The following NLGN1 variants were observed in gnomAD, a reference collection of about 807,000 sequenced individuals.
The protein encoded by NLGN1 is neuroligin-1.
In NLGN1, 12 loss-of-function variants were observed where a neutral mutation model predicts 65.5. The ratio of observed to expected loss-of-function variants is 0.18; its 90% CI spans 0.12 to 0.30. The LOEUF (loss-of-function observed/expected upper bound fraction) is 0.30. Ranked by LOEUF, NLGN1 falls within the 10% of genes least tolerant of loss-of-function variation. The probability of loss-of-function intolerance (pLI) is 1.00; values close to 1 mark genes in which losing one functional copy is unlikely to be tolerated. For synonymous variants in NLGN1, 350 were observed against 359.5 expected, an observed-to-expected ratio of 0.97 and a Z score of 0.30; for missense variants, 750 against 1,007.1, an observed-to-expected ratio of 0.74 and a Z score of 3.46.
In NLGN1 at chr3:173,754,019, C is replaced by A. The variant is rs557206491; in HGVS notation, c.494-53661C>A. 2.5e-4 allele frequency among the ~76,000 whole-genome samples: 26 copies of A among 104,600 alleles called. No individual in the cohort carries two copies. The South Asian group carries it at 9.3e-3, about 37-fold the overall frequency. The allele number at this position is 104,600 out of a possible 152,430, so 68.6% of individuals were successfully genotyped here. A position where few individuals can be genotyped will look rare whatever the true frequency, so the allele number is the denominator to read the frequency against. On this transcript the variant is annotated intron_variant, in intron 3 of 6. Transcript: ENST00000457714. ...GTACTTTTTTTTTCTTTATTTCTTT[C>A]TTTTCTTTTTTTTTTTTTGTTTTTT...
chr3:173,688,778 G>T (rs1765041438), intron 3 of NLGN1, among the ~76,000 whole-genome samples: 3 of 152,160 alleles, frequency 2.0e-5, no homozygotes, highest in Admixed American at 2.0e-4. Flanking sequence ...CTTGTAGTCA[G>T]CATTCAAAAT....
chr3:174,148,091 C>T (rs1327911793), intron 4 of NLGN1, among the ~76,000 whole-genome samples: 2 of 152,176 alleles, frequency 1.3e-5, no homozygotes, highest in Non-Finnish European at 2.9e-5. Flanking sequence ...AGCTACTAAA[C>T]TGAACAATGA....
At chr3:174,084,848 C>T (rs886184851) in intron 4 of NLGN1, among the ~76,000 whole-genome samples, 2 of 151,894 alleles carry the variant, frequency 1.3e-5, no homozygotes, top group African/African-American at 2.4e-5. Context: ...AAGTTAACTC[C>T]AAATACTTAA....
intron 3 of NLGN1, among the ~76,000 whole-genome samples, chr3:173,779,697 A>T (rs1207613636): frequency 6.6e-6 from 1 of 152,070 alleles, no homozygotes; most frequent in Non-Finnish European, 1.5e-5. Context: ...CATAGGCTAA[A>T]CCTAGATATT....
chr3:174,084,012 T>G (rs1237979890), intron 4 of NLGN1, among the ~76,000 whole-genome samples: 1 of 152,208 alleles, frequency 6.6e-6, no homozygotes, highest in Non-Finnish European at 1.5e-5. Context: ...GTAGAGTGAA[T>G]ACAAAAAGGT....
chr3:173,531,934 C>T (rs1009654104), intron 2 of NLGN1, among the ~76,000 whole-genome samples: 10 of 152,046 alleles, frequency 6.6e-5, no homozygotes, highest in East Asian at 1.9e-4. Flanking sequence ...TAAGTTTCCC[C>T]GGGCTCTTCA....
chr3:173,749,288 A>G (rs1775985907), intron 3 of NLGN1, among the ~76,000 whole-genome samples: 3 of 152,028 alleles, frequency 2.0e-5, no homozygotes, highest in East Asian at 1.9e-4. Flanking sequence ...GTCATTTTTT[A>G]TGATCAAATA....
At chr3:174,076,016 A>G (rs992472877) in intron 4 of NLGN1, among the ~76,000 whole-genome samples, 1 of 152,288 alleles carries the variant, frequency 6.6e-6, no homozygotes, top group Non-Finnish European at 1.5e-5. Context: ...GTCTGCCTAC[A>G]CTATATCATT....
rs1404209637 is a variant in NLGN1 at position 173,613,006 on chromosome 3, C to T, written c.493+7915C>T. Among the ~76,000 whole-genome samples, 7 of 152,118 alleles carry T rather than the reference C, an allele frequency of 4.6e-5. No homozygotes were observed. The East Asian group carries it at 1.4e-3, about 30-fold the overall frequency. The stretch of plus-strand genomic sequence containing the variant: ...TTGGATTATGGCACAACCTAATGAC[C>T]TCAACGTAATTAATTATATCTGTAA... On this transcript the variant is annotated intron_variant, in intron 3 of 6. Coordinates refer to ENST00000457714, the Ensembl canonical transcript of NLGN1.
intron 4 of NLGN1, among the ~76,000 whole-genome samples, chr3:173,842,360 C>T (rs1388301913): frequency 6.6e-6 from 1 of 152,104 alleles, no homozygotes; most frequent in South Asian, 2.1e-4. Context: ...CCTCCCATTT[C>T]AAAACCTTCC....
intron 3 of NLGN1, among the ~76,000 whole-genome samples, chr3:173,666,295 TC>T (rs1043250202): frequency 6.6e-6 from 1 of 152,128 alleles, no homozygotes; most frequent in African/African-American, 2.4e-5. Context: ...CTAAGTATCC[TC>T]CTTTAGAAAA....
intron 4 of NLGN1, among the ~76,000 whole-genome samples, chr3:173,888,329 C>T (rs1032302115): frequency 3.3e-5 from 5 of 151,968 alleles, no homozygotes; most frequent in African/African-American, 1.2e-4. Context: ...ATAACCTAAG[C>T]ATATCCTCCC....
At chr3:173,400,665 A>T (rs536834612) in intron 1 of NLGN1, among the ~76,000 whole-genome samples, 1 of 152,080 alleles carries the variant, frequency 6.6e-6, no homozygotes, top group Non-Finnish European at 1.5e-5. Flanking sequence ...AGCTCCCACA[A>T]CACAGTATTT....
At chr3:173,607,385 C>T (rs1020860532) in intron 3 of NLGN1, among the ~76,000 whole-genome samples, 2 of 151,758 alleles carry the variant, frequency 1.3e-5, no homozygotes, top group African/African-American at 4.8e-5. Context: ...TTCTAAAAAT[C>T]ATTTTGGCTT....
At chr3:173,549,139 G>A (rs752804487) in intron 2 of NLGN1, among the ~76,000 whole-genome samples, 4 of 151,800 alleles carry the variant, frequency 2.6e-5, no homozygotes, top group Non-Finnish European at 5.9e-5. Context: ...CACCATCATT[G>A]TGGATTGAAA....
chr3:173,875,224 A>G (rs1395638454), intron 4 of NLGN1, among the ~76,000 whole-genome samples: 1 of 152,166 alleles, frequency 6.6e-6, no homozygotes, highest in Non-Finnish European at 1.5e-5. Flanking sequence ...AGTCAGTATA[A>G]AAACTGAAGC....
chr3:173,865,997 TA>T (rs1730086088), intron 4 of NLGN1, among the ~76,000 whole-genome samples: 1 of 152,136 alleles, frequency 6.6e-6, no homozygotes, highest in African/African-American at 2.4e-5. Context: ...CCTCTTTAAC[TA>T]AACTCTACCT....
intron 4 of NLGN1, among the ~76,000 whole-genome samples, chr3:174,063,820 G>A (rs1216009078): frequency 6.6e-6 from 1 of 152,078 alleles, no homozygotes; most frequent in East Asian, 1.9e-4. Flanking sequence ...CCTTAGTATG[G>A]TTTTGAAATT....
intron 4 of NLGN1, among the ~76,000 whole-genome samples, chr3:174,111,976 G>GA (rs1255509349): frequency 6.6e-6 from 1 of 151,798 alleles, no homozygotes; most frequent in African/African-American, 2.4e-5. Context: ...TGCCAATTTG[G>GA]AACTTCTGTT....
Sources: gnomAD v4.1 joint callset for allele counts (sites outside exome capture counted in the v4.1 genomes callset) on GRCh38, gnomAD v4.1.1 for gene constraint, MANE v1.5 for transcripts, NCBI Gene and HGNC (gene_info 2026-07-23, HGNC 2026-07-21) for gene names.